Variants in ADAM23 observed in about 807,000 individuals in gnomAD.
The protein encoded by ADAM23 is disintegrin and metalloproteinase domain-containing protein 23.
In ADAM23, 33 loss-of-function variants were observed where a neutral mutation model predicts 120.1. The observed-to-expected ratio is 0.27, with a 90% CI of 0.21 to 0.37. The LOEUF is 0.37. Among genes scored for constraint, ADAM23 ranks in the 10% least tolerant of loss-of-function variants. The pLI is 1.00. For missense variants in ADAM23, 862 were observed against 1,058.2 expected, an observed-to-expected ratio of 0.81 and a Z score of 2.57; for synonymous variants, 367 against 375.2, an observed-to-expected ratio of 0.98 and a Z score of 0.25.
At chr2:206,485,294 A>C (rs906694912) in intron 3 of ADAM23, among the ~76,000 whole-genome samples, 3 of 152,200 alleles carry the variant, frequency 2.0e-5, no homozygotes, top group Non-Finnish European at 4.4e-5. Context: ...AGTCAGGAGA[A>C]TGTTTAAGTC....
intron 4 of ADAM23, among the ~76,000 whole-genome samples, chr2:206,534,924 A>G (rs1283364963): frequency 2.0e-5 from 3 of 151,058 alleles, no homozygotes; most frequent in African/African-American, 4.9e-5. Context: ...CTGCTGGGAA[A>G]GTATGTCTGT....
chr2:206,573,815 CT>C (rs200245843), intron 18 of ADAM23, among the ~76,000 whole-genome samples: 194 of 143,606 alleles, frequency 1.4e-3, no homozygotes, highest in Middle Eastern at 3.5e-3. Flanking sequence ...ATGTATTTTA[CT>C]TTTTTTTTTT....
At chr2:206,490,515 G>A (rs1258108570) in intron 3 of ADAM23, among the ~76,000 whole-genome samples, 1 of 152,174 alleles carries the variant, frequency 6.6e-6, no homozygotes, top group Non-Finnish European at 1.5e-5. Flanking sequence ...TGTTTTGGTA[G>A]TTTTGAAAAA....
intron 3 of ADAM23, among the ~76,000 whole-genome samples, chr2:206,494,929 G>T (rs887511967): frequency 6.6e-6 from 1 of 152,138 alleles, no homozygotes; most frequent in African/African-American, 2.4e-5. Flanking sequence ...GAAATGAAGC[G>T]TGAAGAGAAG....
intron 2 of ADAM23, among the ~76,000 whole-genome samples, chr2:206,448,497 ATGAG>A (rs35674366): frequency 0.36 from 54,509 of 151,788 alleles, 9,904 homozygotes; most frequent in Middle Eastern, 0.41. Context: ...CTCCAGAGTG[ATGAG>A]TGTCTTTCAT....
chr2:206,540,251 A>G (rs912292134), intron 4 of ADAM23, among the ~76,000 whole-genome samples: 2 of 148,016 alleles, frequency 1.4e-5, no homozygotes, highest in Non-Finnish European at 3.1e-5. Context: ...ACACACACAC[A>G]CACACACACA....
At chr2:206,543,773 A>G (rs929856617) in intron 6 of ADAM23, among the ~76,000 whole-genome samples, 3 of 151,602 alleles carry the variant, frequency 2.0e-5, no homozygotes, top group Non-Finnish European at 3.0e-5. Flanking sequence ...ACACACACGC[A>G]CACGCACCAT....
intron 2 of ADAM23, among the ~76,000 whole-genome samples, chr2:206,478,148 G>A (rs1228561400): frequency 1.3e-5 from 2 of 151,730 alleles, no homozygotes; most frequent in African/African-American, 2.4e-5. Flanking sequence ...TTTTGGTATA[G>A]AGAAGAATCT....
intron 2 of ADAM23, among the ~76,000 whole-genome samples, chr2:206,450,508 A>T (rs890276816): frequency 2.0e-5 from 3 of 152,198 alleles, no homozygotes; most frequent in African/African-American, 7.2e-5. Context: ...TTATAATCAA[A>T]CTAAAATTCA....
chr2:206,553,483 A>G (rs2105816332), intron 9 of ADAM23, among the ~76,000 whole-genome samples: 1 of 152,348 alleles, frequency 6.6e-6, no homozygotes, highest in African/African-American at 2.4e-5. Flanking sequence ...TGCCTAAAAT[A>G]GAAATTGCCT....
At chr2:206,488,077 A>G (rs529603015) in intron 3 of ADAM23, among the ~76,000 whole-genome samples, 1 of 152,380 alleles carries the variant, frequency 6.6e-6, no homozygotes, top group South Asian at 2.1e-4. Context: ...CGTTAAAAGC[A>G]GTTCACGCTG....
chr2:206,459,357 T>G (rs946549145), intron 2 of ADAM23, among the ~76,000 whole-genome samples: 7 of 152,354 alleles, frequency 4.6e-5, no homozygotes, highest in African/African-American at 1.7e-4. Flanking sequence ...TATCCTTATT[T>G]ATTCTTTTAT....
intron 18 of ADAM23, among the ~76,000 whole-genome samples, chr2:206,584,490 G>T (rs1267944312): frequency 6.6e-6 from 1 of 152,062 alleles, no homozygotes; most frequent in Non-Finnish European, 1.5e-5. Context: ...GGTGAGGCCT[G>T]TGACTCCTGG....
chr2:206,613,887 G>C (rs892796791), intron 25 of ADAM23, among the ~76,000 whole-genome samples: 1 of 152,212 alleles, frequency 6.6e-6, no homozygotes. Context: ...ATGCACATTA[G>C]TAGGTGATGG....
chr2:206,477,903 T>TATATATATATATATAC (rs1695814906), intron 2 of ADAM23, among the ~76,000 whole-genome samples: 3 of 135,516 alleles, frequency 2.2e-5, no homozygotes, highest in Admixed American at 7.3e-5. Flanking sequence ...AAAAAATATA[T>TATATATATATATATAC]ATATATATAT....
intron 4 of ADAM23, among the ~76,000 whole-genome samples, chr2:206,536,329 GTGCA>G (rs1490979056): frequency 1.3e-5 from 2 of 151,828 alleles, no homozygotes; most frequent in Non-Finnish European, 2.9e-5. Context: ...ATTTATGTTG[GTGCA>G]AAAGCAATTG....
chr2:206,543,750 T>TACACAC (rs35626987), intron 6 of ADAM23, among the ~76,000 whole-genome samples: 18 of 149,998 alleles, frequency 1.2e-4, no homozygotes, highest in Admixed American at 7.3e-4. Flanking sequence ...TAAAATGTGA[T>TACACAC]ACACACACAC....
chr2:206,456,985 C>G (rs148951503), intron 2 of ADAM23, among the ~76,000 whole-genome samples: 2 of 152,278 alleles, frequency 1.3e-5, no homozygotes, highest in South Asian at 2.1e-4. Flanking sequence ...TAATTGTAAG[C>G]AGGCCTGCTA....
At chr2:206,477,897 A>T (rs1921662) in intron 2 of ADAM23, among the ~76,000 whole-genome samples, 45,300 of 91,814 alleles carry the variant, frequency 0.49, 11,509 homozygotes, top group Middle Eastern at 0.56. Flanking sequence ...AAAAAAAAAA[A>T]ATATATATAT....
Sources: allele counts gnomAD v4.1 joint callset (sites outside exome capture counted in the v4.1 genomes callset), GRCh38; gene constraint gnomAD v4.1.1; transcripts MANE v1.5; gene names NCBI Gene and HGNC (gene_info 2026-07-23, HGNC 2026-07-21).